Variants in CD58 observed in about 807,000 individuals in gnomAD.
CD58 encodes lymphocyte function-associated antigen 3.
CD58 carries 14 observed loss-of-function variants against 27.6 expected under a neutral mutation model. The observed-to-expected ratio is 0.51, with a 90% CI of 0.34 to 0.79. CD58 has a LOEUF of 0.79. Among genes scored for constraint, CD58 ranks in the 30% least tolerant of loss-of-function variants. CD58 has a pLI of 0.02. For missense variants in CD58, 268 were observed against 301.7 expected (o/e 0.89, Z 0.83); for synonymous variants, 117 against 103.8 (o/e 1.13, Z -0.77).
chr1:116,569,962 C>T (rs531851528), intron 1 of CD58, among the ~76,000 whole-genome samples: 2 of 152,280 alleles, frequency 1.3e-5, no homozygotes, highest in East Asian at 3.9e-4. Flanking sequence ...TATCTCAACC[C>T]CTCCCCCTTG....
Position 116,532,805 on chromosome 1 carries a change from C to A in CD58, c.628+3160G>T. The A allele has an allele frequency of 1.9e-6, 1 of 534,140 alleles. No homozygotes were observed. The highest frequency in any genetic ancestry group is 2.0e-5 in the South Asian group (1 of 49,798). 33.1% of individuals were successfully genotyped at this position (534,140 alleles called of 1,614,324 possible). The stretch of plus-strand genomic sequence containing the variant: ...AAAAAGGAAAAGTGAAAGTGAAAAT[C>A]ATGCACTTGAAAACGATTAGATGGA... On this transcript the variant is annotated intron_variant, in intron 3 of 5. Transcript: ENST00000369489. This position sits in a 1 kb window ranked among gnomAD's most constrained non-coding sequence, Gnocchi z 5.1.
At chr1:116,526,588 C>T (rs1312668832) in intron 3 of CD58, among the ~76,000 whole-genome samples, 5 of 152,324 alleles carry the variant, frequency 3.3e-5, no homozygotes, top group African/African-American at 7.2e-5. Flanking sequence ...ATGTTGACTA[C>T]TGTAGCTTTA....
In CD58 at chr1:116,519,902, GC is replaced by G. The variant is rs1467243228; in HGVS notation, c.707-636del. 1.5e-4 allele frequency among the ~76,000 whole-genome samples: 23 copies of G among 152,226 alleles called. No individual in the cohort carries two copies. Among genetic ancestry groups the G allele is most frequent in the African/African-American group, 5.5e-4 (23 of 41,532 alleles). ...CCACACATGCATGCATCACTTTCCT[GC>G]CCACAGTAGGCATCCGCCTGACCCT... On this transcript the variant is annotated intron_variant, in intron 4 of 5. Coordinates refer to ENST00000369489, the MANE Select transcript of CD58 (RefSeq NM_001779.3). This position sits in a 1 kb window ranked among gnomAD's most constrained non-coding sequence, Gnocchi z 4.7.
chr1:116,544,216 T>C (rs763118246), intron 2 of CD58, 95 bp downstream of exon 2: 36 of 833,996 alleles, frequency 4.3e-5, no homozygotes, highest in Non-Finnish European at 6.8e-5. Context: ...ATCTAATTCT[T>C]TTCTCATAGA....
intron 1 of CD58, among the ~76,000 whole-genome samples, chr1:116,547,992 T>C (rs1658254662): frequency 6.6e-6 from 1 of 152,220 alleles, no homozygotes; most frequent in Non-Finnish European, 1.5e-5. Context: ...ATTACGGCCA[T>C]TCTTGCAGGA....
rs1657709775 is a variant in CD58, at chr1:116,534,082, T to C, written c.628+1883A>G. 1 of 822,798 alleles carries C rather than the reference T, an allele frequency of 1.2e-6. No individual in the cohort carries two copies. The highest frequency in any genetic ancestry group is 2.6e-4 in the Middle Eastern group (1 of 3,874). 51.0% of individuals were successfully genotyped at this position (822,798 alleles called of 1,614,324 possible). Reference sequence around the variant, plus strand: ...TGAAGGAACCCCATCTGAAAAACTGTTATCTGCCATCTGAATGTTTTTATC... The same window carrying C: ...TGAAGGAACCCCATCTGAAAAACTGCTATCTGCCATCTGAATGTTTTTATC... On this transcript the variant is annotated intron_variant, in intron 3 of 5. Coordinates refer to ENST00000369489, the MANE Select transcript of CD58 (RefSeq NM_001779.3). This position sits in a 1 kb window ranked among gnomAD's most constrained non-coding sequence, Gnocchi z 5.3.
At chr1:116,525,577 T>C (rs1302630730) in intron 3 of CD58, among the ~76,000 whole-genome samples, 1 of 152,220 alleles carries the variant, frequency 6.6e-6, no homozygotes, top group Non-Finnish European at 1.5e-5. Flanking sequence ...TGTTGAATGG[T>C]AAGAGTACAT....
At chr1:116,553,252 A>G (rs1658453045) in intron 1 of CD58, among the ~76,000 whole-genome samples, 1 of 151,694 alleles carries the variant, frequency 6.6e-6, no homozygotes, top group Non-Finnish European at 1.5e-5. Flanking sequence ...GCCTTTGCCT[A>G]TTGAATTTAC....
intron 3 of CD58, among the ~76,000 whole-genome samples, chr1:116,530,528 G>T (rs1235926801): frequency 6.6e-6 from 1 of 152,080 alleles, no homozygotes; most frequent in Non-Finnish European, 1.5e-5. Flanking sequence ...TTCTTAAAAG[G>T]TAAGTAACAA....
chr1:116,514,865 A>G lies in CD58; in HGVS notation c.744-43T>C, dbSNP rs767910051. The G allele has an allele frequency of 4.1e-6, 6 of 1,480,510 alleles. No individual in the cohort carries two copies. In the African/African-American group the frequency reaches 7.0e-5, roughly 17 times the overall value. 91.7% of individuals were successfully genotyped at this position (1,480,510 alleles called of 1,614,324 possible). A position where few individuals can be genotyped will look rare whatever the true frequency, so the allele number is the denominator to read the frequency against. ...ATTATTAACTTGTAAAATGCAGTAA[A>G]TCTGGGCTGCAGACCAGGAGTCTTA... On this transcript the variant is annotated intron_variant, in intron 5 of 5. Transcript: ENST00000369489.
At chr1:116,529,022 A>G (rs1393385501) in intron 3 of CD58, among the ~76,000 whole-genome samples, 2 of 152,202 alleles carry the variant, frequency 1.3e-5, no homozygotes, top group South Asian at 2.1e-4. Flanking sequence ...CTAACCATCA[A>G]TACTCTTTCC....
At chr1:116,558,929 T>C (rs1363060489) in intron 1 of CD58, among the ~76,000 whole-genome samples, 2 of 152,232 alleles carry the variant, frequency 1.3e-5, no homozygotes, top group Non-Finnish European at 1.5e-5. Flanking sequence ...GTCCTGCCTA[T>C]GTGCCAGACA....
chr1:116,518,867 T>C (rs1657168471), intron 5 of CD58: 1 of 1,114,330 alleles, frequency 9.0e-7, no homozygotes, highest in Non-Finnish European at 1.1e-6. Flanking sequence ...GTTAACAGTA[T>C]AACTCTTGGA....
intron 3 of CD58, among the ~76,000 whole-genome samples, chr1:116,530,112 ACACT>A (rs993982040): frequency 2.0e-5 from 3 of 152,168 alleles, no homozygotes; most frequent in Non-Finnish European, 4.4e-5. Context: ...TCATACAAAA[ACACT>A]CTGGAATTCA....
intron 2 of CD58, among the ~76,000 whole-genome samples, chr1:116,539,240 G>A (rs995366621): frequency 7.2e-5 from 11 of 152,294 alleles, no homozygotes; most frequent in Admixed American, 5.2e-4. Flanking sequence ...GAGGCTCCCC[G>A]GAGGGTATGT....
Position 116,519,520 on chromosome 1 carries a change from T to G in CD58, c.707-253A>C, listed in dbSNP as rs1657199417. 7.9e-5 allele frequency among the ~76,000 whole-genome samples: 12 copies of G among 152,190 alleles called. No individual in the cohort carries two copies. Among genetic ancestry groups the G allele is most frequent in the Admixed American group, 7.9e-4 (12 of 15,282 alleles). ...TGTTGACAAAATGGCTAATTTTACC[T>G]CGTGCATAAGGCTGAAGATGCAGGG... On this transcript the variant is annotated intron_variant, in intron 4 of 5. Transcript: ENST00000369489. The surrounding 1 kb of genome is among the most constrained non-coding windows in gnomAD (Gnocchi z 4.7).
At position 116,534,447 on chromosome 1, in the gene CD58, G is replaced by C. The variant is rs956043780; in HGVS notation, c.628+1518C>G. Among the ~76,000 whole-genome samples, 1 of 152,196 alleles carries C rather than the reference G, an allele frequency of 6.6e-6. No individual in the cohort carries two copies. The highest frequency in any genetic ancestry group is 1.5e-5 in the Non-Finnish European group (1 of 68,026). Reference sequence around the variant, plus strand: ...GGGTGCGCCGCGGCCCTCCGGGTACGCGGGGCTGGCTGGGCTAGCGGGAGA... The same window carrying C: ...GGGTGCGCCGCGGCCCTCCGGGTACCCGGGGCTGGCTGGGCTAGCGGGAGA... On this transcript the variant is annotated intron_variant, in intron 3 of 5. Coordinates refer to ENST00000369489, the MANE Select transcript of CD58 (RefSeq NM_001779.3). This position sits in a 1 kb window ranked among gnomAD's most constrained non-coding sequence, Gnocchi z 5.3.
rs140712726 is a variant in CD58 at position 116,536,525 on chromosome 1, G to A, written c.365-297C>T. Reference sequence around the variant, plus strand: ...CCTGGTGGGAGGTGATTGTACCATGGGGGATGGTTTCCCCATGCTATTCTA... The same window carrying A: ...CCTGGTGGGAGGTGATTGTACCATGAGGGATGGTTTCCCCATGCTATTCTA... On this transcript the variant is annotated intron_variant, in intron 2 of 5. Transcript: ENST00000369489. The surrounding 1 kb of genome is among the most constrained non-coding windows in gnomAD (Gnocchi z 5.4). 1.4e-3 allele frequency among the ~76,000 whole-genome samples: 220 copies of A among 152,184 alleles called. 1 individual carries two copies. The highest frequency in any genetic ancestry group is 4.9e-3 in the Admixed American group (75 of 15,280).
chr1:116,532,917 A>G lies in CD58; in HGVS notation c.628+3048T>C. 1.9e-6 allele frequency: 2 copies of G among 1,032,336 alleles called. No individual in the cohort carries two copies. The highest frequency in any genetic ancestry group is 1.6e-5 in the African/African-American group (1 of 63,100). The allele number at this position is 1,032,336 out of a possible 1,614,324, so 63.9% of individuals were successfully genotyped here. A position where few individuals can be genotyped will look rare whatever the true frequency, so the allele number is the denominator to read the frequency against. On this transcript the variant is annotated intron_variant, in intron 3 of 5. Coordinates refer to ENST00000369489, the MANE Select transcript of CD58 (RefSeq NM_001779.3). This position sits in a 1 kb window ranked among gnomAD's most constrained non-coding sequence, Gnocchi z 5.1. The stretch of plus-strand genomic sequence containing the variant: ...CCGGAGTCGCGACAGCCGGTCTGCC[A>G]GGCGCCCACCTCCACTTCCTACTGC...
Sources: gnomAD v4.1 joint callset for allele counts (sites outside exome capture counted in the v4.1 genomes callset) on GRCh38, gnomAD v4.1.1 for gene constraint, Gnocchi (gnomAD v3.1) non-coding constraint, MANE v1.5 for transcripts, NCBI Gene and HGNC (gene_info 2026-07-23, HGNC 2026-07-21) for gene names.